Variants in GNG7 observed in about 807,000 individuals in gnomAD.
GNG7 encodes G protein subunit gamma 7, also known as guanine nucleotide-binding protein G(I)/G(S)/G(O) subunit gamma-7.
GNG7 carries 1 observed loss-of-function variant against 4.0 expected under a neutral mutation model. The ratio of observed to expected loss-of-function variants is 0.25; its 90% confidence interval spans 0.09 to 1.18. The LOEUF is 1.18. Ranked by LOEUF, GNG7 falls within the 50% of genes most tolerant of loss-of-function variation. GNG7 has a pLI of 0.50. For synonymous variants in GNG7, 34 were observed against 36.9 expected, an observed-to-expected ratio of 0.92 and a Z score of 0.29; for missense variants, 86 against 91.9, an observed-to-expected ratio of 0.94 and a Z score of 0.26.
chr19:2,535,437 T>C, intron 3 of GNG7, among the ~76,000 whole-genome samples: 1 of 150,254 alleles, frequency 6.7e-6, no homozygotes, highest in Non-Finnish European at 1.5e-5. Flanking sequence ...GAAGTGGAGG[T>C]TGCAGTGAGC....
In GNG7 at chr19:2,659,610, A is replaced by AAAAAAAAAG. The variant is rs5826778; in HGVS notation, c.-134-13331_-134-13330insCTTTTTTTT. Among the ~76,000 whole-genome samples, 310 of 121,424 alleles carry AAAAAAAAAG rather than the reference A, an allele frequency of 2.6e-3. 2 individuals carry two copies. Among genetic ancestry groups the AAAAAAAAAG allele is most frequent in the South Asian group, 4.8e-3 (17 of 3,576 alleles). 79.7% of individuals were successfully genotyped at this position (121,424 alleles called of 152,430 possible). A position where few individuals can be genotyped will look rare whatever the true frequency, so the allele number is the denominator to read the frequency against. ...TCCATCTTAAAAAAAAAAAAAAAAA[A>AAAAAAAAAG]AGAGAGGAGGGGAGGGAAAGAGGGA... On this transcript the variant is annotated intron_variant, in intron 1 of 4. Coordinates refer to ENST00000382159, the MANE Select transcript of GNG7 (RefSeq NM_052847.3).
Position 2,675,227 on chromosome 19 carries a change from C to T in GNG7, c.-135+27419G>A, listed in dbSNP as rs192134105. On this transcript the variant is annotated intron_variant, in intron 1 of 4. Coordinates refer to ENST00000382159, the MANE Select transcript of GNG7 (RefSeq NM_052847.3). ...ATGCACGCCAGAAATTCCTGTCGTG[C>T]CCCTGAAGAACTAACAGGTCTCTCT... Among the ~76,000 whole-genome samples, 17 of 152,302 alleles carry T rather than the reference C, an allele frequency of 1.1e-4. No individual in the cohort carries two copies. In the East Asian group the frequency reaches 2.9e-3, roughly 26 times the overall value.
chr19:2,515,214 C>G, intron 4 of GNG7, 67 bp from the exon 5 acceptor site: 1 of 1,593,464 alleles, frequency 6.3e-7, no homozygotes, highest in Non-Finnish European at 8.5e-7. Context: ...GGGTTCACAG[C>G]AGCACCATTC....
At chr19:2,681,703 C>G (rs936531597) in intron 1 of GNG7, among the ~76,000 whole-genome samples, 28 of 152,272 alleles carry the variant, frequency 1.8e-4, no homozygotes, top group African/African-American at 6.7e-4. Context: ...GTTTCCAGAG[C>G]AGCTGTACCA....
At chr19:2,691,316 A>G (rs6510697) in intron 1 of GNG7, among the ~76,000 whole-genome samples, 67,987 of 151,926 alleles carry the variant, frequency 0.45, 16,584 homozygotes, top group African/African-American at 0.65. Flanking sequence ...GGACGGGACC[A>G]GAGGATTGCT....
intron 1 of GNG7, among the ~76,000 whole-genome samples, chr19:2,696,306 GA>G (rs1178563958): frequency 8.2e-6 from 1 of 121,744 alleles, no homozygotes; most frequent in Non-Finnish European, 1.7e-5. Flanking sequence ...AAGAAAGAAA[GA>G]AAGAAAGAAA....
chr19:2,558,107 C>A (rs542601735), intron 2 of GNG7, among the ~76,000 whole-genome samples: 1 of 152,226 alleles, frequency 6.6e-6, no homozygotes, highest in African/African-American at 2.4e-5. Context: ...TCCGAAAGTG[C>A]TGGGATTACA....
At chr19:2,601,781 C>A (rs1981205903) in intron 2 of GNG7, among the ~76,000 whole-genome samples, 1 of 151,756 alleles carries the variant, frequency 6.6e-6, no homozygotes, top group African/African-American at 2.4e-5. Context: ...GTGGTGTGAG[C>A]CTGTAGTCCC....
In GNG7 at chr19:2,634,162, T is replaced by A. The variant is rs1982245303; in HGVS notation, c.-78+12062A>T. Among the ~76,000 whole-genome samples the A allele has an allele frequency of 6.6e-6, 1 of 152,100 alleles. No homozygotes were observed. Among genetic ancestry groups the A allele is most frequent in the South Asian group, 2.1e-4 (1 of 4,834 alleles). ...CCCCACTGGGCGTTTATGGTGCCTATCATGAGCAGGAAAATAACTCGAATT... is the reference window on the plus strand; with the variant it reads ...CCCCACTGGGCGTTTATGGTGCCTAACATGAGCAGGAAAATAACTCGAATT... On this transcript the variant is annotated intron_variant, in intron 2 of 4. Transcript: ENST00000382159. The surrounding 1 kb of genome is among the most constrained non-coding windows in gnomAD (Gnocchi z 5.3).
chr19:2,664,175 C>T (rs755296464), intron 1 of GNG7, among the ~76,000 whole-genome samples: 3 of 152,198 alleles, frequency 2.0e-5, no homozygotes, highest in Non-Finnish European at 4.4e-5. Context: ...CCCTTCCCTT[C>T]CCACGCTGAC....
In GNG7 at chr19:2,633,657, G is replaced by T. The variant is rs998174144; in HGVS notation, c.-78+12567C>A. On this transcript the variant is annotated intron_variant, in intron 2 of 4. Coordinates refer to ENST00000382159, the MANE Select transcript of GNG7 (RefSeq NM_052847.3). This position sits in a 1 kb window ranked among gnomAD's most constrained non-coding sequence, Gnocchi z 5.9. ...GTGGTCGCAATAACAGCTCTGAAACGGGGATTCATTGAGAGGACATCGGTG... is the reference window on the plus strand; with the variant it reads ...GTGGTCGCAATAACAGCTCTGAAACTGGGATTCATTGAGAGGACATCGGTG... Among the ~76,000 whole-genome samples the T allele has an allele frequency of 2.0e-5, 3 of 152,056 alleles. No homozygotes were observed. The highest frequency in any genetic ancestry group is 2.1e-4 in the South Asian group (1 of 4,814).
chr19:2,660,520 C>T (rs1274466122), intron 1 of GNG7, among the ~76,000 whole-genome samples: 3 of 152,190 alleles, frequency 2.0e-5, no homozygotes, highest in Non-Finnish European at 4.4e-5. Context: ...CCTGTGATCC[C>T]AGCACGTTGG....
rs566717434 is a variant in GNG7 at position 2,688,255 on chromosome 19, C to A, written c.-135+14391G>T. ...GCGACAGAGCGAGACTCCGTCTCAACAAAAGAAAAAAGAAATCATGATGCA... is the reference window on the plus strand; with the variant it reads ...GCGACAGAGCGAGACTCCGTCTCAAAAAAAGAAAAAAGAAATCATGATGCA... On this transcript the variant is annotated intron_variant, in intron 1 of 4. Coordinates refer to ENST00000382159, the MANE Select transcript of GNG7 (RefSeq NM_052847.3). Among the ~76,000 whole-genome samples the A allele has an allele frequency of 1.0e-3, 155 of 152,120 alleles. 5 individuals carry two copies. In the South Asian group the frequency reaches 0.031, roughly 30 times the overall value.
chr19:2,531,875 G>T (rs1325778178), intron 3 of GNG7, among the ~76,000 whole-genome samples: 1 of 152,018 alleles, frequency 6.6e-6, no homozygotes. Flanking sequence ...AGCACTGCCA[G>T]GTGCGGTGGC....
In GNG7 at chr19:2,594,093, G is replaced by T. The variant is rs578139938; in HGVS notation, c.-77-38905C>A. On this transcript the variant is annotated intron_variant, in intron 2 of 4. Coordinates refer to ENST00000382159, the MANE Select transcript of GNG7 (RefSeq NM_052847.3). ...TTTACAGAAACTGCAAATCAAGGCC[G>T]GGCACAGTGGCTCACGCCTGTAATC... 1.3e-3 allele frequency among the ~76,000 whole-genome samples: 197 copies of T among 152,102 alleles called. 1 individual carries two copies. The highest frequency in any genetic ancestry group is 4.4e-4 in the Non-Finnish European group (30 of 68,010).
chr19:2,545,550 C>T (rs1979096804), intron 3 of GNG7, among the ~76,000 whole-genome samples: 1 of 150,126 alleles, frequency 6.7e-6, no homozygotes, highest in Admixed American at 6.7e-5. Flanking sequence ...ACTCAGGAGG[C>T]TGAGGCAGGA....
intron 1 of GNG7, among the ~76,000 whole-genome samples, chr19:2,650,849 AG>A (rs1982793706): frequency 6.6e-6 from 1 of 152,214 alleles, no homozygotes. Context: ...GGAGACAAGG[AG>A]GAGAGACCTC....
chr19:2,550,640 C>A (rs1979287274), intron 3 of GNG7, among the ~76,000 whole-genome samples: 1 of 152,154 alleles, frequency 6.6e-6, no homozygotes, highest in South Asian at 2.1e-4. Context: ...GTGGCCTACA[C>A]AGCCTGAGGG....
chr19:2,589,855 A>G (rs1396618192), intron 2 of GNG7, among the ~76,000 whole-genome samples: 1 of 152,196 alleles, frequency 6.6e-6, no homozygotes, highest in Non-Finnish European at 1.5e-5. Flanking sequence ...TCTGTCGCCC[A>G]GGCTGGAGTA....
Sources: allele counts gnomAD v4.1 joint callset (sites outside exome capture counted in the v4.1 genomes callset), GRCh38; gene constraint gnomAD v4.1.1; non-coding constraint Gnocchi (gnomAD v3.1); transcripts MANE v1.5; gene names NCBI Gene and HGNC (gene_info 2026-07-23, HGNC 2026-07-21).